ARB2A: variants seen among roughly 807,000 people sequenced by gnomAD.
The protein encoded by ARB2A is cotranscriptional regulator ARB2A.
At chr5:93,708,123 A>G in the ARB2A span, among the ~76,000 whole-genome samples, 1 of 152,078 alleles carries the variant, frequency 6.6e-6, no homozygotes, top group South Asian at 2.1e-4. Context: ...ATCATTTGAG[A>G]GCTACAAACA....
the ARB2A span, among the ~76,000 whole-genome samples, chr5:93,783,804 G>A: frequency 3.9e-5 from 6 of 152,076 alleles, no homozygotes; most frequent in Non-Finnish European, 7.4e-5. Flanking sequence ...TAGTTTTCAG[G>A]TTCACCAGCC....
chr5:94,031,957 G>C, the ARB2A span, among the ~76,000 whole-genome samples: 2 of 152,226 alleles, frequency 1.3e-5, no homozygotes, highest in Admixed American at 1.3e-4. Context: ...TGTCAGCATG[G>C]TGCTGTCTCT....
At chr5:93,683,518 G>A in the ARB2A span, 66 of 1,544,486 alleles carry the variant, frequency 4.3e-5, 2 homozygotes, top group South Asian at 1.8e-4. Context: ...GACTGCCTTC[G>A]TAATTCATGG....
At chr5:94,111,649 A>C in the ARB2A span, 1 of 152,196 alleles carries the variant, frequency 6.6e-6, no homozygotes, top group Non-Finnish European at 1.5e-5. Flanking sequence ...TTCGAGTTGC[A>C]CTTCCGGGGT....
At chr5:94,058,367 A>T in the ARB2A span, among the ~76,000 whole-genome samples, 6 of 152,296 alleles carry the variant, frequency 3.9e-5, 1 homozygote. Flanking sequence ...GCATGTAAAA[A>T]GGTAAAAATC....
chr5:93,745,139 C>A, the ARB2A span, among the ~76,000 whole-genome samples: 2 of 152,196 alleles, frequency 1.3e-5, no homozygotes, highest in Admixed American at 6.5e-5. Flanking sequence ...ACATAACCAA[C>A]TGCCATGATC....
At chr5:93,957,187 T>C in the ARB2A span, among the ~76,000 whole-genome samples, 1 of 152,150 alleles carries the variant, frequency 6.6e-6, no homozygotes, top group Non-Finnish European at 1.5e-5. Context: ...ATGTTTGGCA[T>C]GGTTTTCCAT....
At chr5:94,045,791 C>G in the ARB2A span, among the ~76,000 whole-genome samples, 1 of 152,150 alleles carries the variant, frequency 6.6e-6, no homozygotes, top group African/African-American at 2.4e-5. Flanking sequence ...AAGAGATATA[C>G]AGTAAACTCA....
chr5:94,110,831 A>G, the ARB2A span, among the ~76,000 whole-genome samples: 1 of 152,224 alleles, frequency 6.6e-6, no homozygotes, highest in Non-Finnish European at 1.5e-5. Context: ...TTTGGGAGAA[A>G]TGGACAAATG....
the ARB2A span, among the ~76,000 whole-genome samples, chr5:94,108,463 G>A: frequency 6.6e-6 from 1 of 151,812 alleles, no homozygotes; most frequent in African/African-American, 2.4e-5. Flanking sequence ...CAGGATTAAA[G>A]AGTTAAAATG....
chr5:93,803,674 A>C, the ARB2A span, among the ~76,000 whole-genome samples: 1 of 151,066 alleles, frequency 6.6e-6, no homozygotes, highest in African/African-American at 2.4e-5. Context: ...AAGTTTACCT[A>C]CATAAAAAAC....
At chr5:93,824,172 A>T in the ARB2A span, 1 of 1,595,674 alleles carries the variant, frequency 6.3e-7, no homozygotes, top group Non-Finnish European at 8.5e-7. Flanking sequence ...CAAGTCCTCC[A>T]TAGCTGTGAG....
At chr5:94,001,657 T>G in the ARB2A span, among the ~76,000 whole-genome samples, 1 of 152,114 alleles carries the variant, frequency 6.6e-6, no homozygotes, top group Non-Finnish European at 1.5e-5. Flanking sequence ...TCTAACTTTT[T>G]TTTGTTCTTT....
chr5:93,979,643 T>C, the ARB2A span, among the ~76,000 whole-genome samples: 1 of 152,112 alleles, frequency 6.6e-6, no homozygotes, highest in Non-Finnish European at 1.5e-5. Context: ...TAGACGAATG[T>C]CTTATATATC....
chr5:94,003,608 A>C, the ARB2A span, among the ~76,000 whole-genome samples: 3 of 152,152 alleles, frequency 2.0e-5, no homozygotes, highest in African/African-American at 7.2e-5. Context: ...TAATATTTAC[A>C]ATCAATTAAA....
chr5:93,919,631 G>A, the ARB2A span, among the ~76,000 whole-genome samples: 6 of 152,116 alleles, frequency 3.9e-5, no homozygotes, highest in Non-Finnish European at 8.8e-5. Flanking sequence ...TTGAACATTA[G>A]TATAATTTCT....
the ARB2A span, among the ~76,000 whole-genome samples, chr5:93,640,064 CAA>C: frequency 7.3e-4 from 43 of 59,250 alleles, no homozygotes; most frequent in South Asian, 1.5e-3. Context: ...ACTCTGTCTC[CAA>C]AAAAAAAAAA....
the ARB2A span, among the ~76,000 whole-genome samples, chr5:93,949,607 C>A: frequency 3.3e-5 from 5 of 151,790 alleles, no homozygotes; most frequent in Non-Finnish European, 7.4e-5. Context: ...TCAAGGTAAA[C>A]GGGGTGTCCA....
the ARB2A span, among the ~76,000 whole-genome samples, chr5:93,651,054 A>G: frequency 6.6e-6 from 1 of 152,140 alleles, no homozygotes; most frequent in Non-Finnish European, 1.5e-5. Flanking sequence ...CTTAACAATA[A>G]TAGAGATGAC....
Sources: allele counts gnomAD v4.1 joint callset (sites outside exome capture counted in the v4.1 genomes callset), GRCh38; gene constraint gnomAD v4.1.1; transcripts MANE v1.5; gene names NCBI Gene and HGNC (gene_info 2026-07-23, HGNC 2026-07-21).